The following PAK3 variants were observed in gnomAD, a reference collection of about 807,000 sequenced individuals.
The protein encoded by PAK3 is p21 (RAC1) activated kinase 3.
In PAK3, 4 loss-of-function variants were observed where a neutral mutation model predicts 41.0. The observed-to-expected ratio is 0.10, with a 90% CI of 0.05 to 0.22. The LOEUF is 0.22. PAK3 is among the 10% of genes least tolerant of loss of function. PAK3 has a pLI of 1.00. For synonymous variants in PAK3, 146 were observed against 139.6 expected (o/e 1.05, Z -0.32); for missense variants, 205 against 409.9 (o/e 0.50, Z 4.32).
At chrX:111,139,984 C>T (rs1285014904) in intron 5 of PAK3, among the ~76,000 whole-genome samples, 1 of 111,612 alleles carries the variant, frequency 9.0e-6, no homozygotes, top group Non-Finnish European at 1.9e-5. Flanking sequence ...TTACCAAGAG[C>T]TAATTACTGT....
chrX:111,192,158 A>G lies in PAK3; in HGVS notation c.862A>G (p.Ile288Val), dbSNP rs2094566106. The G allele has an allele frequency of 1.8e-6, 2 of 1,117,477 alleles. No individual in the cohort carries two copies. The highest frequency in any genetic ancestry group is 3.6e-5 in the South Asian group (2 of 54,798). The allele number at this position is 1,117,477 out of a possible 1,213,427, so 92.1% of individuals were successfully genotyped here. A position where few individuals can be genotyped will look rare whatever the true frequency, so the allele number is the denominator to read the frequency against. Residue 288 changes from isoleucine to valine, a missense_variant, in exon 12 of 18, where the codon ATT becomes GTT. Transcript: ENST00000372007. ...AGGTACTGTTTATACAGCACTAGAC[A>G]TTGCAACAGGACAAGAGGTAAGTGC... ...ASGTVYTALDIATGQEVAIKQ... is the reference protein window; with the variant it reads ...ASGTVYTALDVATGQEVAIKQ...
intron 1 of PAK3, among the ~76,000 whole-genome samples, chrX:111,037,791 A>G (rs2092414715): frequency 9.0e-6 from 1 of 111,513 alleles, no homozygotes; most frequent in Non-Finnish European, 1.9e-5. Flanking sequence ...TTCATTTTCA[A>G]TATTTAAAAA....
chrX:111,113,683 TATGTATAC>T (rs2093413712), intron 4 of PAK3, among the ~76,000 whole-genome samples: 1 of 111,241 alleles, frequency 9.0e-6, no homozygotes, highest in Non-Finnish European at 1.9e-5. Context: ...GTTTGTCACA[TATGTATAC>T]ATGTGCCATG....
chrX:111,217,501 C>T, intron 17 of PAK3: 6 of 967,848 alleles, frequency 6.2e-6, no homozygotes, highest in Non-Finnish European at 8.0e-6. Context: ...TCTGTTCTAG[C>T]CTACTCCCTG....
chrX:111,016,409 AG>A (rs1327416675), intron 1 of PAK3, among the ~76,000 whole-genome samples: 1 of 111,610 alleles, frequency 9.0e-6, no homozygotes, highest in Non-Finnish European at 1.9e-5. Context: ...TGTCTGAGAC[AG>A]GGAGAGGCAA....
chrX:111,187,243 AT>A (rs1001239652), intron 11 of PAK3, among the ~76,000 whole-genome samples: 2 of 111,834 alleles, frequency 1.8e-5, no homozygotes, highest in South Asian at 3.7e-4. Flanking sequence ...GTAATTGTCA[AT>A]TTTTTTGTTA....
At chrX:111,009,891 G>A (rs1176880125) in intron 1 of PAK3, among the ~76,000 whole-genome samples, 2 of 112,015 alleles carry the variant, frequency 1.8e-5, no homozygotes, top group Non-Finnish European at 3.8e-5. Context: ...AAGGCACAGA[G>A]CCAATGGCTG....
At chrX:111,148,398 G>A (rs900887739) in intron 7 of PAK3, among the ~76,000 whole-genome samples, 3 of 111,969 alleles carry the variant, frequency 2.7e-5, no homozygotes, top group African/African-American at 9.8e-5. Flanking sequence ...CCATGTTACT[G>A]CCAAATCTTG....
At chrX:110,989,664 A>G (rs1422248967) in intron 1 of PAK3, among the ~76,000 whole-genome samples, 1 of 112,131 alleles carries the variant, frequency 8.9e-6, no homozygotes, top group African/African-American at 3.2e-5. Flanking sequence ...GGCAGCTTCT[A>G]ATGAGGAAGT....
chrX:111,178,980 T>TAGAGAGAGAGAGAG (rs1556239020), intron 11 of PAK3, among the ~76,000 whole-genome samples: 6 of 91,613 alleles, frequency 6.5e-5, no homozygotes, highest in African/African-American at 2.0e-4. Context: ...TATATATATA[T>TAGAGAGAGAGAGAG]AGAGAGAGAG....
At chrX:111,011,812 T>G (rs1385733528) in intron 1 of PAK3, among the ~76,000 whole-genome samples, 1 of 112,328 alleles carries the variant, frequency 8.9e-6, no homozygotes, top group Non-Finnish European at 1.9e-5. Context: ...TAGAATGGGA[T>G]TGTGAGATAT....
At chrX:111,034,276 T>C (rs1400412989) in intron 1 of PAK3, among the ~76,000 whole-genome samples, 1 of 107,567 alleles carries the variant, frequency 9.3e-6, no homozygotes, top group African/African-American at 3.4e-5. Context: ...AAAAAAACAG[T>C]GAGAGATAGA....
At chrX:110,959,891 A>G (rs7889687) in intron 1 of PAK3, among the ~76,000 whole-genome samples, 1 of 111,949 alleles carries the variant, frequency 8.9e-6, no homozygotes, top group Non-Finnish European at 1.9e-5. Flanking sequence ...TGTTTTTTTT[A>G]AAAAATAAAT....
chrX:111,104,411 G>A (rs992939840), intron 4 of PAK3, among the ~76,000 whole-genome samples: 13 of 112,037 alleles, frequency 1.2e-4, no homozygotes, highest in African/African-American at 4.2e-4. Flanking sequence ...TGCGCCTACA[G>A]ACAAGGTAAA....
At position 111,142,118 on chromosome X, in the gene PAK3, G is replaced by A. The variant is rs2093880490; in HGVS notation, c.198G>A (p.Glu66=). 3.4e-6 allele frequency: 4 copies of A among 1,189,043 alleles called. No individual in the cohort carries two copies. The highest frequency in any genetic ancestry group is 4.6e-6 in the Non-Finnish European group (4 of 875,865). Residue 66 remains glutamate, a synonymous_variant, in exon 6 of 18, where the codon GAG becomes GAA. Coordinates refer to ENST00000372007, the MANE Select transcript of PAK3 (RefSeq NM_002578.5). ...GDKTNKKKEK[E]RPEISLPSDF... is the part of the protein sequence containing the mutation. ...TAGCCAATAAGAAGAAGGAGAAAGA[G>A]CGCCCAGAGATCTCTCTTCCTTCAG...
intron 1 of PAK3, among the ~76,000 whole-genome samples, chrX:111,013,663 A>G (rs2092044645): frequency 9.0e-6 from 1 of 111,095 alleles, no homozygotes; most frequent in Admixed American, 9.6e-5. Flanking sequence ...CATTTCTCCA[A>G]TCTAAGCTTG....
At chrX:110,993,968 C>A (rs1425055881) in intron 1 of PAK3, among the ~76,000 whole-genome samples, 1 of 112,011 alleles carries the variant, frequency 8.9e-6, no homozygotes, top group Non-Finnish European at 1.9e-5. Flanking sequence ...CTGCTCTTTT[C>A]ACTTACAATC....
chrX:111,056,994 T>C (rs1489248385), intron 1 of PAK3, among the ~76,000 whole-genome samples: 1 of 112,056 alleles, frequency 8.9e-6, no homozygotes, highest in Non-Finnish European at 1.9e-5. Context: ...ACATGCATGT[T>C]TCCTCAATCC....
chrX:111,153,987 G>T (rs780073659), intron 8 of PAK3, among the ~76,000 whole-genome samples: 1 of 111,906 alleles, frequency 8.9e-6, no homozygotes, highest in East Asian at 2.8e-4. Flanking sequence ...ATTCTGACAC[G>T]TTACAACATG....
Sources: gnomAD v4.1 joint callset for allele counts (sites outside exome capture counted in the v4.1 genomes callset) on GRCh38, gnomAD v4.1.1 for gene constraint, MANE v1.5 for transcripts, NCBI Gene and HGNC (gene_info 2026-07-23, HGNC 2026-07-21) for gene names.